SAMMSON: variants seen among roughly 807,000 people sequenced by gnomAD.
The protein encoded by SAMMSON is survival associated mitochondrial melanoma specific oncogenic non-coding RNA, also known as long intergenic non-protein coding RNA 1212.
chr3:70,045,323 C>G lies in SAMMSON; in HGVS notation n.418-26153C>G, dbSNP rs199922211. On this transcript the variant is annotated intron_variant and non_coding_transcript_variant, in intron 3 of 9. Transcript: ENST00000642114. ...GACATTTTTGCAGGCAAAGAATCAC[C>G]CATCGAAACAATTTAGAAGCAAATG... 3.1e-4 allele frequency among the ~76,000 whole-genome samples: 47 copies of G among 149,348 alleles called. 2 individuals are homozygous for G. In the East Asian group the frequency reaches 8.0e-3, roughly 26 times the overall value.
At chr3:70,034,174 C>T (rs998302834) in intron 3 of SAMMSON, among the ~76,000 whole-genome samples, 2 of 152,088 alleles carry the variant, frequency 1.3e-5, no homozygotes, top group African/African-American at 2.4e-5. Flanking sequence ...TTGAGCATCA[C>T]ATAAGACATC....
intron 7 of SAMMSON, among the ~76,000 whole-genome samples, chr3:70,309,614 T>C (rs1172034747): frequency 1.3e-5 from 2 of 152,150 alleles, no homozygotes; most frequent in African/African-American, 4.8e-5. Context: ...CCAAATGCCA[T>C]GCTCTTTTTA....
At chr3:70,359,754 TA>T in intron 9 of SAMMSON, among the ~76,000 whole-genome samples, 1 of 152,252 alleles carries the variant, frequency 6.6e-6, no homozygotes, top group South Asian at 2.1e-4. Flanking sequence ...TTTTTCTACT[TA>T]ATTAGATTAT....
At chr3:70,207,988 T>A (rs1028941625) in intron 4 of SAMMSON, among the ~76,000 whole-genome samples, 11 of 151,986 alleles carry the variant, frequency 7.2e-5, no homozygotes, top group Admixed American at 2.6e-4. Context: ...ACCTTGACCT[T>A]CATGAGCATC....
chr3:70,018,799 G>T (rs1431921483), intron 3 of SAMMSON, among the ~76,000 whole-genome samples: 1 of 151,986 alleles, frequency 6.6e-6, no homozygotes, highest in Non-Finnish European at 1.5e-5. Flanking sequence ...TCTCATTGGT[G>T]TCAAAGAACA....
At chr3:70,428,029 G>A (rs569562404) in intron 2 of SAMMSON, among the ~76,000 whole-genome samples, 16 of 152,154 alleles carry the variant, frequency 1.1e-4, no homozygotes, top group East Asian at 1.9e-4. Context: ...ATACTGTAGC[G>A]TAAAGTTGGC....
intron 6 of SAMMSON, among the ~76,000 whole-genome samples, chr3:70,276,678 C>G (rs1702029962): frequency 6.6e-6 from 1 of 152,194 alleles, no homozygotes; most frequent in Non-Finnish European, 1.5e-5. Context: ...ATATGGCCTA[C>G]TGCATTTTTT....
chr3:70,227,352 A>G (rs1241209923), intron 4 of SAMMSON, among the ~76,000 whole-genome samples: 3 of 152,154 alleles, frequency 2.0e-5, no homozygotes, highest in African/African-American at 4.8e-5. Flanking sequence ...TTTTTTCCAT[A>G]CCACTTCTTA....
intron 9 of SAMMSON, among the ~76,000 whole-genome samples, chr3:70,366,773 A>C (rs1415710753): frequency 6.6e-6 from 1 of 151,316 alleles, no homozygotes; most frequent in Non-Finnish European, 1.5e-5. Flanking sequence ...AAGTGATTGT[A>C]CCATTTTTCA....
chr3:70,307,087 A>G (rs1702408939), intron 7 of SAMMSON, among the ~76,000 whole-genome samples: 1 of 152,252 alleles, frequency 6.6e-6, no homozygotes, highest in East Asian at 1.9e-4. Flanking sequence ...ATTAGGTTTC[A>G]TTTAGAGATA....
At chr3:70,253,096 G>T (rs574103889) in intron 6 of SAMMSON, among the ~76,000 whole-genome samples, 2 of 151,762 alleles carry the variant, frequency 1.3e-5, no homozygotes, top group South Asian at 2.1e-4. Flanking sequence ...AAAAAAAATC[G>T]AAGAGAAACT....
rs540145666 is a variant in SAMMSON at position 70,306,423 on chromosome 3, T to C, written n.739+15180T>C. On this transcript the variant is annotated intron_variant and non_coding_transcript_variant, in intron 7 of 9. Coordinates refer to ENST00000642114, the Ensembl canonical transcript of SAMMSON. ...ACCTCACCCGGCCAATAATCGTTTT[T>C]ATATCATCAAAGATTGAAGTCGTCA... Among the ~76,000 whole-genome samples, 11 of 152,300 alleles carry C rather than the reference T, an allele frequency of 7.2e-5. No homozygotes were observed. The South Asian group carries it at 2.3e-3, about 32-fold the overall frequency.
At chr3:70,257,820 C>G (rs1701830875) in intron 6 of SAMMSON, among the ~76,000 whole-genome samples, 1 of 152,096 alleles carries the variant, frequency 6.6e-6, no homozygotes, top group Admixed American at 6.5e-5. Flanking sequence ...CTAGGTAAGC[C>G]TTAACCATTT....
intron 7 of SAMMSON, among the ~76,000 whole-genome samples, chr3:70,349,237 G>A (rs975852432): frequency 3.3e-5 from 5 of 152,070 alleles, no homozygotes; most frequent in Admixed American, 6.5e-5. Flanking sequence ...AGCTGGGCAC[G>A]GTGGCAGGTG....
At chr3:70,016,143 T>A (rs1235626979) in intron 3 of SAMMSON, among the ~76,000 whole-genome samples, 2 of 152,204 alleles carry the variant, frequency 1.3e-5, no homozygotes, top group South Asian at 2.1e-4. Context: ...TGCCACACTG[T>A]CTTCCACAAT....
intron 3 of SAMMSON, among the ~76,000 whole-genome samples, chr3:70,031,322 G>A (rs560464063): frequency 2.0e-4 from 31 of 151,932 alleles, no homozygotes; most frequent in African/African-American, 7.5e-4. Context: ...ACTTATATGA[G>A]GTACCTATAA....
At chr3:70,428,676 T>C (rs1428170587) in intron 2 of SAMMSON, among the ~76,000 whole-genome samples, 1 of 152,186 alleles carries the variant, frequency 6.6e-6, no homozygotes, top group Non-Finnish European at 1.5e-5. Flanking sequence ...TCTCTCTAAT[T>C]AGTGCAAATT....
At chr3:70,010,585 C>T (rs1221608593) in intron 1 of SAMMSON, among the ~76,000 whole-genome samples, 1 of 152,134 alleles carries the variant, frequency 6.6e-6, no homozygotes, top group African/African-American at 2.4e-5. Flanking sequence ...CCCCAACTTC[C>T]TGTTAATAAC....
chr3:70,282,251 T>C (rs972129288), intron 6 of SAMMSON, among the ~76,000 whole-genome samples: 2 of 152,154 alleles, frequency 1.3e-5, no homozygotes, highest in Non-Finnish European at 2.9e-5. Flanking sequence ...CAGTGAGCAA[T>C]GGGACCTAGA....
Sources: gnomAD v4.1 joint callset for allele counts (sites outside exome capture counted in the v4.1 genomes callset) on GRCh38, gnomAD v4.1.1 for gene constraint, MANE v1.5 for transcripts, NCBI Gene and HGNC (gene_info 2026-07-23, HGNC 2026-07-21) for gene names.